The following MCMDC2 variants were observed in gnomAD, a reference collection of about 807,000 sequenced individuals.
MCMDC2 encodes the protein minichromosome maintenance domain containing 2.
Under a neutral mutation model 75.8 loss-of-function variants are expected in MCMDC2, and 54 were observed. That is an observed-to-expected ratio of 0.71 (90% confidence interval 0.57 to 0.89). The LOEUF is 0.89. Ranked by LOEUF, MCMDC2 falls within the 40% of genes least tolerant of loss-of-function variation. MCMDC2 has a pLI of 0.00. For synonymous variants in MCMDC2, 249 were observed against 274.6 expected (o/e 0.91, Z 0.92); for missense variants, 656 against 780.4 (o/e 0.84, Z 1.90).
In MCMDC2 at chr8:66,906,784, A is replaced by AT. The variant is rs1049947696; in HGVS notation, c.1879+1458dup. Among the ~76,000 whole-genome samples the AT allele has an allele frequency of 1.6e-4, 24 of 149,438 alleles. 1 individual carries two copies. Among genetic ancestry groups the AT allele is most frequent in the South Asian group, 8.4e-4 (4 of 4,748 alleles). On this transcript the variant is annotated intron_variant, in intron 14 of 14. Transcript: ENST00000422365. Reference sequence around the variant, plus strand: ...TAAATTATTATTTATTATTATTATTATTTTTTTTTGAGATGGAGTTTCACT... The same window carrying AT: ...TAAATTATTATTTATTATTATTATTATTTTTTTTTTGAGATGGAGTTTCACT...
intron 12 of MCMDC2, among the ~76,000 whole-genome samples, chr8:66,900,398 A>G (rs1027455828): frequency 1.4e-4 from 22 of 152,202 alleles, no homozygotes; most frequent in African/African-American, 5.1e-4. Flanking sequence ...AGTTTGCGCT[A>G]TTGCACTCCA....
intron 1 of MCMDC2, among the ~76,000 whole-genome samples, chr8:66,872,968 A>C (rs935837774): frequency 2.6e-5 from 4 of 151,524 alleles, no homozygotes; most frequent in African/African-American, 4.9e-5. Context: ...AAAAAAAAAA[A>C]AAAAAAAAAA....
chr8:66,890,650 A>AGCTGGGACTCCTCCAGTGCAT (rs1288177932), intron 9 of MCMDC2, among the ~76,000 whole-genome samples: 1 of 152,098 alleles, frequency 6.6e-6, no homozygotes, highest in Middle Eastern at 3.2e-3. Flanking sequence ...CCTCCTGAGT[A>AGCTGGGACTCCTCCAGTGCAT]GCTGGGACTA....
In MCMDC2 at chr8:66,874,575, A is replaced by G; in HGVS notation, c.274A>G (p.Thr92Ala). 1 of 1,612,612 alleles carries G rather than the reference A, an allele frequency of 6.2e-7. No homozygotes were observed. Among genetic ancestry groups the G allele is most frequent in the Non-Finnish European group, 8.5e-7 (1 of 1,179,482 alleles). Residue 92 changes from threonine to alanine, a missense_variant, in exon 4 of 15, where the codon ACT (threonine) becomes GCT (alanine). Transcript: ENST00000422365. ...KTLSLIGQLQ[T>A]ETQINIVLKL... ...TCTCTCATTAATTGGACAATTGCAGACTGAAACGCAAGTAAGTTTTAGTTA... is the reference window on the plus strand; with the variant it reads ...TCTCTCATTAATTGGACAATTGCAGGCTGAAACGCAAGTAAGTTTTAGTTA...
chr8:66,886,150 A>T (rs1433782856), intron 9 of MCMDC2, among the ~76,000 whole-genome samples: 2 of 146,722 alleles, frequency 1.4e-5, no homozygotes, highest in African/African-American at 2.5e-5. Flanking sequence ...CATAAGGTAT[A>T]TGTATAACTT....
chr8:66,883,637 AAG>A, intron 8 of MCMDC2, 118 bp from the exon 9 acceptor site: 1 of 629,252 alleles, frequency 1.6e-6, no homozygotes, highest in Non-Finnish European at 2.7e-6. Flanking sequence ...CAAAAAAAAA[AAG>A]AATATGGTAT....
At chr8:66,900,395 G>A (rs993740252) in intron 12 of MCMDC2, among the ~76,000 whole-genome samples, 30 of 152,036 alleles carry the variant, frequency 2.0e-4, no homozygotes, top group African/African-American at 6.7e-4. Context: ...CCGAGTTTGC[G>A]CTATTGCACT....
rs202030451 is a variant in MCMDC2, at chr8:66,906,019, AG to A, written c.1879+685del. On this transcript the variant is annotated intron_variant, in intron 14 of 14. Coordinates refer to ENST00000422365, the MANE Select transcript of MCMDC2 (RefSeq NM_173518.5). Reference sequence around the variant, plus strand: ...GACTCCATCTCAAAAAAAAAAAAAAAGAAAGAAAGAAAAGAAAATCTGATTA... The same window carrying A: ...GACTCCATCTCAAAAAAAAAAAAAAAAAAGAAAGAAAAGAAAATCTGATTA... Among the ~76,000 whole-genome samples, 287 of 151,738 alleles carry A rather than the reference AG, an allele frequency of 1.9e-3. 5 individuals are homozygous for A. The highest frequency in any genetic ancestry group is 6.7e-3 in the African/African-American group (277 of 41,328).
At chr8:66,905,803 A>C (rs1812883431) in intron 14 of MCMDC2, among the ~76,000 whole-genome samples, 3 of 152,080 alleles carry the variant, frequency 2.0e-5, no homozygotes, top group South Asian at 4.1e-4. Context: ...TCAGGAGATC[A>C]AGACCAGCCT....
chr8:66,899,220 C>T (rs745959460), intron 12 of MCMDC2, among the ~76,000 whole-genome samples: 2 of 152,262 alleles, frequency 1.3e-5, no homozygotes, highest in South Asian at 2.1e-4. Flanking sequence ...ATGTCCTCCC[C>T]GACTTCTGCC....
Position 66,879,134 on chromosome 8 carries a change from G to T in MCMDC2, c.709+215G>T, listed in dbSNP as rs554875029. On this transcript the variant is annotated intron_variant, in intron 7 of 14. Transcript: ENST00000422365. ...AAAAATTAGCTAGATGTGGTGGCAT[G>T]TGTCTGTAGTCCTAGCTACCTGGGA... Among the ~76,000 whole-genome samples, 31 of 152,206 alleles carry T rather than the reference G, an allele frequency of 2.0e-4. 1 individual carries two copies. The highest frequency in any genetic ancestry group is 7.0e-4 in the African/African-American group (29 of 41,536).
downstream of MCMDC2, chr8:66,925,678 C>G (rs955032369): frequency 2.0e-5 from 3 of 152,250 alleles, no homozygotes; most frequent in African/African-American, 4.8e-5. Flanking sequence ...GAGATGAGAC[C>G]CGCACCTTAG....
rs1811182108 is a variant in MCMDC2, at chr8:66,874,541, T to C, written c.240T>C (p.Ala80=). 4 of 1,613,362 alleles carry C rather than the reference T, an allele frequency of 2.5e-6. No individual in the cohort carries two copies. Among genetic ancestry groups the C allele is most frequent in the Non-Finnish European group, 3.4e-6 (4 of 1,179,782 alleles). ...TGAAATCACAGGTCTGTTTTATTGC[T>C]GTTAAGACTCTCTCATTAATTGGAC... ...AEVFQSVCFI[A]VKTLSLIGQL... Residue 80 remains alanine (A), a synonymous_variant, in exon 4 of 15, where the codon GCT becomes GCC. Coordinates refer to ENST00000422365, the MANE Select transcript of MCMDC2 (RefSeq NM_173518.5).
chr8:66,873,445 AT>A (rs937242084), intron 1 of MCMDC2, among the ~76,000 whole-genome samples: 7 of 152,180 alleles, frequency 4.6e-5, no homozygotes, highest in Admixed American at 4.6e-4. Flanking sequence ...TACCAGTTTC[AT>A]TTTTTAAACA....
chr8:66,901,692 G>A (rs2130848076), intron 13 of MCMDC2: 1 of 961,626 alleles, frequency 1.0e-6, no homozygotes, highest in Admixed American at 5.8e-5. Context: ...AGCACTTTGG[G>A]AGTCCGAGAG....
At chr8:66,923,837 G>A (rs1016374768), downstream of MCMDC2, among the ~76,000 whole-genome samples, 2 of 151,910 alleles carry the variant, frequency 1.3e-5, no homozygotes, top group African/African-American at 4.8e-5. Context: ...GCAGTGTGCT[G>A]ACATCGCGCC....
intron 5 of MCMDC2, 62 bp downstream of exon 5, chr8:66,877,606 T>G: frequency 8.1e-7 from 1 of 1,236,284 alleles, no homozygotes; most frequent in Non-Finnish European, 1.1e-6. Context: ...GGCTCACACC[T>G]GTAATCCCTG....
At chr8:66,916,952 G>A (rs1024337120) in intron 14 of MCMDC2, among the ~76,000 whole-genome samples, 1 of 152,202 alleles carries the variant, frequency 6.6e-6, no homozygotes, top group South Asian at 2.1e-4. Context: ...AGGGGAGAAA[G>A]GAAGATTTTG....
chr8:66,897,268 C>T (rs1243079245), intron 12 of MCMDC2, among the ~76,000 whole-genome samples: 3 of 151,552 alleles, frequency 2.0e-5, no homozygotes, highest in Non-Finnish European at 4.4e-5. Context: ...ATTAGCTGGG[C>T]GTGGTGGTGG....
Sources: allele counts gnomAD v4.1 joint callset (sites outside exome capture counted in the v4.1 genomes callset), GRCh38; gene constraint gnomAD v4.1.1; transcripts MANE v1.5; gene names NCBI Gene and HGNC (gene_info 2026-07-23, HGNC 2026-07-21).